The following UBE2G1 variants were observed in gnomAD, a reference collection of about 807,000 sequenced individuals.
The protein encoded by UBE2G1 is ubiquitin-conjugating enzyme E2 G1.
Under a neutral mutation model 22.7 loss-of-function variants are expected in UBE2G1, and 5 were observed. The observed-to-expected ratio is 0.22, with a 90% CI of 0.12 to 0.46. The LOEUF is 0.46. Among genes scored for constraint, UBE2G1 ranks in the 20% least tolerant of loss-of-function variants. The pLI is 0.99. For synonymous variants in UBE2G1, 74 were observed against 67.5 expected, an observed-to-expected ratio of 1.10 and a Z score of -0.47; for missense variants, 88 against 203.9, an observed-to-expected ratio of 0.43 and a Z score of 3.46.
intron 5 of UBE2G1, among the ~76,000 whole-genome samples, chr17:4,272,842 A>G (rs1181440469): frequency 6.6e-6 from 1 of 152,208 alleles, no homozygotes; most frequent in African/African-American, 2.4e-5. Flanking sequence ...GTTCTACTGG[A>G]CAGCGCTAAT....
chr17:4,333,578 T>C (rs1333978563), intron 1 of UBE2G1, among the ~76,000 whole-genome samples: 1 of 151,862 alleles, frequency 6.6e-6, no homozygotes, highest in East Asian at 1.9e-4. Flanking sequence ...TCCCAGCACT[T>C]TGGGAGGCTG....
chr17:4,327,313 T>A (rs1969513798), intron 1 of UBE2G1, among the ~76,000 whole-genome samples: 1 of 145,876 alleles, frequency 6.9e-6, no homozygotes, highest in African/African-American at 2.6e-5. Flanking sequence ...AATACAAAAA[T>A]ACAAAAATAG....
intron 5 of UBE2G1, among the ~76,000 whole-genome samples, chr17:4,280,888 C>A (rs1250199952): frequency 6.6e-6 from 1 of 152,152 alleles, no homozygotes; most frequent in African/African-American, 2.4e-5. Flanking sequence ...CCGCCTCGGC[C>A]TCCCAAAGTG....
At chr17:4,351,229 G>A (rs1197200941) in intron 1 of UBE2G1, among the ~76,000 whole-genome samples, 2 of 152,060 alleles carry the variant, frequency 1.3e-5, no homozygotes, top group Non-Finnish European at 2.9e-5. Flanking sequence ...TGCAGGGTAT[G>A]TAAGAACTCA....
intron 2 of UBE2G1, among the ~76,000 whole-genome samples, chr17:4,300,862 G>C (rs1969169279): frequency 6.6e-6 from 1 of 151,646 alleles, no homozygotes; most frequent in South Asian, 2.1e-4. Context: ...TACTCAGGAA[G>C]CTGAGGTAGG....
chr17:4,327,167 T>C (rs1969512117), intron 1 of UBE2G1, among the ~76,000 whole-genome samples: 1 of 150,496 alleles, frequency 6.6e-6, no homozygotes, highest in South Asian at 2.1e-4. Context: ...TGGTGGCTCA[T>C]GCCTGTTAAT....
intron 4 of UBE2G1, among the ~76,000 whole-genome samples, chr17:4,288,249 A>C (rs1968992756): frequency 6.6e-6 from 1 of 152,278 alleles, no homozygotes; most frequent in African/African-American, 2.4e-5. Context: ...CAGGCATTAA[A>C]TTGTCTTAGG....
chr17:4,293,798 T>A (rs1303177093), intron 3 of UBE2G1, among the ~76,000 whole-genome samples: 1 of 152,238 alleles, frequency 6.6e-6, no homozygotes, highest in Non-Finnish European at 1.5e-5. Context: ...ACTTCTCCTT[T>A]ACCATTCACC....
chr17:4,365,425 G>C (rs1317396587), intron 1 of UBE2G1, among the ~76,000 whole-genome samples: 1 of 152,216 alleles, frequency 6.6e-6, no homozygotes, highest in African/African-American at 2.4e-5. Context: ...AGCCGCAAAC[G>C]GCCGGAGGCC....
At chr17:4,350,616 CG>C (rs1476221073) in intron 1 of UBE2G1, among the ~76,000 whole-genome samples, 3 of 152,122 alleles carry the variant, frequency 2.0e-5, no homozygotes, top group Non-Finnish European at 4.4e-5. Flanking sequence ...GCAACTTAGA[CG>C]TAATTATTTA....
At chr17:4,363,466 A>G (rs552008542) in intron 1 of UBE2G1, among the ~76,000 whole-genome samples, 14 of 152,254 alleles carry the variant, frequency 9.2e-5, no homozygotes, top group African/African-American at 3.4e-4. Flanking sequence ...CGTTTTATTA[A>G]TATTTGCTAT....
intron 1 of UBE2G1, among the ~76,000 whole-genome samples, chr17:4,352,276 C>A (rs9891357): frequency 0.032 from 4,904 of 152,216 alleles, 292 homozygotes; most frequent in African/African-American, 0.11. Context: ...GTCAACCAGG[C>A]TGGAGGGCAG....
At chr17:4,355,045 T>C (rs902757561) in intron 1 of UBE2G1, among the ~76,000 whole-genome samples, 2 of 152,078 alleles carry the variant, frequency 1.3e-5, no homozygotes, top group Non-Finnish European at 2.9e-5. Flanking sequence ...CGGGCCTTGA[T>C]GTTGCCACTG....
intron 4 of UBE2G1, among the ~76,000 whole-genome samples, chr17:4,286,999 T>C (rs922328832): frequency 1.3e-5 from 2 of 151,768 alleles, no homozygotes; most frequent in Non-Finnish European, 2.9e-5. Flanking sequence ...TGCAGTGAGG[T>C]GAGATCACGC....
chr17:4,345,755 A>G lies in UBE2G1; in HGVS notation c.46+20516T>C, dbSNP rs1969761754. The G allele has an allele frequency of 1.3e-5, 2 of 152,202 alleles. 1 individual carries two copies. Among genetic ancestry groups the G allele is most frequent in the South Asian group, 4.1e-4 (2 of 4,834 alleles). 9.4% of individuals were successfully genotyped at this position (152,202 alleles called of 1,614,324 possible). The stretch of plus-strand genomic sequence containing the variant: ...TCACCTACTACACAATTCTCATCTT[A>G]CAAGGGAAGGTCTCTTGTTGATCTT... On this transcript the variant is annotated intron_variant, in intron 1 of 5. Transcript: ENST00000396981.
intron 2 of UBE2G1, among the ~76,000 whole-genome samples, chr17:4,304,955 T>A (rs1204992326): frequency 7.3e-6 from 1 of 136,856 alleles, no homozygotes; most frequent in Admixed American, 7.4e-5. Context: ...TTTAAGAACT[T>A]TTTTTTTTTT....
chr17:4,312,566 G>A (rs1262308581), intron 1 of UBE2G1, among the ~76,000 whole-genome samples: 1 of 151,662 alleles, frequency 6.6e-6, no homozygotes, highest in East Asian at 1.9e-4. Context: ...CGTGGTGGCG[G>A]GCACCTGTAG....
chr17:4,346,431 C>CTTTTTTTTTTTTTTTT (rs67852481), intron 1 of UBE2G1, among the ~76,000 whole-genome samples: 2 of 120,528 alleles, frequency 1.7e-5, no homozygotes, highest in Admixed American at 8.6e-5. Flanking sequence ...TTTTCTTCTT[C>CTTTTTTTTTTTTTTTT]TTTTTTTTTT....
chr17:4,272,701 T>TA (rs1968775329), intron 5 of UBE2G1, among the ~76,000 whole-genome samples, 185 bp from the exon 6 acceptor site: 1 of 152,218 alleles, frequency 6.6e-6, no homozygotes, highest in African/African-American at 2.4e-5. Context: ...AAATGTAAAT[T>TA]AATTGCCATT....
Sources: allele counts gnomAD v4.1 joint callset (sites outside exome capture counted in the v4.1 genomes callset), GRCh38; gene constraint gnomAD v4.1.1; transcripts MANE v1.5; gene names NCBI Gene and HGNC (gene_info 2026-07-23, HGNC 2026-07-21).